EGFL6: variants seen among roughly 807,000 people sequenced by gnomAD.
EGFL6 encodes the protein epidermal growth factor-like protein 6.
Under a neutral mutation model 43.1 loss-of-function variants are expected in EGFL6, and 42 were observed. That is an observed-to-expected ratio of 0.98 (90% CI 0.76 to 1.26). The LOEUF (loss-of-function observed/expected upper bound fraction) is 1.26, where lower values mean the gene tolerates loss of function less well. Ranked by LOEUF, EGFL6 falls within the 50% of genes most tolerant of loss-of-function variation. The probability of loss-of-function intolerance (pLI) is 0.00; values close to 1 mark genes in which losing one functional copy is unlikely to be tolerated. For synonymous variants in EGFL6, 164 were observed against 163.2 expected, an observed-to-expected ratio of 1.01 and a Z score of -0.04; for missense variants, 429 against 427.8, an observed-to-expected ratio of 1.00 and a Z score of -0.02.
At chrX:13,585,268 A>C (rs1286861003) in intron 1 of EGFL6, among the ~76,000 whole-genome samples, 3 of 111,950 alleles carry the variant, frequency 2.7e-5, no homozygotes, top group Non-Finnish European at 5.6e-5. Context: ...GTCTGCACTC[A>C]TTCTATTCCC....
At chrX:13,625,699 A>C (rs1005795359) in intron 10 of EGFL6, among the ~76,000 whole-genome samples, 170 of 109,458 alleles carry the variant, frequency 1.6e-3, no homozygotes, top group African/African-American at 5.4e-3. Flanking sequence ...AAATAAATAA[A>C]TAAAAAATAA....
At chrX:13,623,205 A>G (rs1463529959) in intron 9 of EGFL6, among the ~76,000 whole-genome samples, 1 of 108,705 alleles carries the variant, frequency 9.2e-6, no homozygotes, top group East Asian at 2.9e-4. Context: ...AAAGAAAAAG[A>G]AAGTAGAAAG....
At chrX:13,617,031 G>A (rs1227397789) in intron 7 of EGFL6, among the ~76,000 whole-genome samples, 4 of 104,224 alleles carry the variant, frequency 3.8e-5, no homozygotes, top group Non-Finnish European at 7.7e-5. Context: ...CACCGCGCCC[G>A]GCTAATTTTT....
chrX:13,581,869 G>A (rs908580218), intron 1 of EGFL6, among the ~76,000 whole-genome samples: 1 of 111,145 alleles, frequency 9.0e-6, no homozygotes, highest in African/African-American at 3.3e-5. Flanking sequence ...ACTCCACAGA[G>A]ACTTGTTCAC....
chrX:13,584,311 T>G (rs1164200542), intron 1 of EGFL6, among the ~76,000 whole-genome samples: 2 of 111,638 alleles, frequency 1.8e-5, no homozygotes, highest in Non-Finnish European at 3.8e-5. Flanking sequence ...TTCCCAACAA[T>G]GTACTAACCT....
chrX:13,611,571 A>T (rs914963085), intron 7 of EGFL6, among the ~76,000 whole-genome samples: 2 of 112,199 alleles, frequency 1.8e-5, no homozygotes, highest in Non-Finnish European at 3.8e-5. Flanking sequence ...TTAATGTTCA[A>T]ATGAAGGCAA....
At chrX:13,598,956 A>T (rs187901723) in intron 3 of EGFL6, among the ~76,000 whole-genome samples, 1,166 of 103,656 alleles carry the variant, frequency 0.011, 10 homozygotes, top group African/African-American at 0.037. Context: ...ATATATATAT[A>T]TATTTTTTTA....
Position 13,633,183 on chromosome X carries a change from C to G in EGFL6, c.*88C>G, listed in dbSNP as rs958316467. On this transcript the variant is annotated 3_prime_UTR_variant, in exon 12 of 12. Coordinates refer to ENST00000361306, the MANE Select transcript of EGFL6 (RefSeq NM_015507.4). The stretch of plus-strand genomic sequence containing the variant: ...TAGGACCTCTGGCATTTTAGAATTA[C>G]TAGCTGAAAAATTGTAATGTACCAA... 6.6e-6 allele frequency: 5 copies of G among 758,782 alleles called. No homozygotes were observed. The African/African-American group carries it at 1.1e-4, about 17-fold the overall frequency. The allele number at this position is 758,782 out of a possible 1,213,427, so 62.5% of individuals were successfully genotyped here.
intron 2 of EGFL6, 144 bp downstream of exon 2, chrX:13,589,812 A>G (rs759312580): frequency 1.3e-4 from 52 of 412,274 alleles, no homozygotes; most frequent in Middle Eastern, 6.6e-4. Context: ...CTGGGTTCCT[A>G]TGAGATCTCT....
chrX:13,576,131 T>C (rs1323709347), intron 1 of EGFL6, among the ~76,000 whole-genome samples: 6 of 112,242 alleles, frequency 5.3e-5, no homozygotes, highest in African/African-American at 1.9e-4. Flanking sequence ...AGAGGTTTAA[T>C]TGGCTCACCG....
intron 5 of EGFL6, among the ~76,000 whole-genome samples, chrX:13,604,713 T>C (rs1256453393): frequency 8.9e-6 from 1 of 112,241 alleles, no homozygotes; most frequent in African/African-American, 3.2e-5. Context: ...TTGCACCTAA[T>C]ATACATAATA....
intron 6 of EGFL6, among the ~76,000 whole-genome samples, chrX:13,607,786 G>A (rs971530081): frequency 7.1e-5 from 8 of 112,238 alleles, no homozygotes; most frequent in Admixed American, 2.8e-4. Flanking sequence ...AAATGGGGTG[G>A]AGAATACGGC....
chrX:13,622,913 G>C (rs376148055), intron 9 of EGFL6, among the ~76,000 whole-genome samples: 109 of 111,896 alleles, frequency 9.7e-4, no homozygotes, highest in African/African-American at 3.4e-3. Context: ...GGCCAGGCAC[G>C]GTGGCTCACA....
At chrX:13,585,247 T>C (rs954065568) in intron 1 of EGFL6, among the ~76,000 whole-genome samples, 1 of 111,877 alleles carries the variant, frequency 8.9e-6, no homozygotes, top group Non-Finnish European at 1.9e-5. Context: ...CATGGTGTCT[T>C]TTACCTCTTA....
chrX:13,594,916 A>G lies in EGFL6; in HGVS notation c.268A>G (p.Thr90Ala). ...ATGCTTTCCAGGATACACCGGGAAA[A>G]CCTGCAGTCAAGGTCAGTAAGGTAG... Reference protein sequence around the residue: ...CRCFPGYTGKTCSQDVNECGM... With the variant: ...CRCFPGYTGKACSQDVNECGM... Residue 90 changes from threonine (T) to alanine (A), a missense_variant, in exon 3 of 12, where the codon ACC (threonine) becomes GCC (alanine). By Grantham distance (58) the Thr-to-Ala change is moderately conservative. Transcript: ENST00000361306. 2 of 1,207,381 alleles carry G rather than the reference A, an allele frequency of 1.7e-6. No homozygotes were observed. The highest frequency in any genetic ancestry group is 2.2e-6 in the Non-Finnish European group (2 of 892,075).
chrX:13,632,219 A>C (rs1433641706), intron 11 of EGFL6, among the ~76,000 whole-genome samples: 1 of 110,552 alleles, frequency 9.0e-6, no homozygotes, highest in Non-Finnish European at 1.9e-5. Context: ...CCGTCTCAAA[A>C]AAAAAAAGAA....
intron 2 of EGFL6, among the ~76,000 whole-genome samples, chrX:13,594,052 A>G (rs1450006758): frequency 2.7e-5 from 3 of 110,786 alleles, no homozygotes; most frequent in African/African-American, 9.9e-5. Flanking sequence ...TCTCTCTCAT[A>G]TATTATATCC....
intron 6 of EGFL6, 45 bp from the exon 7 acceptor site, chrX:13,608,279 C>T: frequency 8.3e-7 from 1 of 1,198,921 alleles, no homozygotes; most frequent in Non-Finnish European, 1.1e-6. Context: ...AGTCTTTCAG[C>T]AAGCTCTGTA....
chrX:13,621,278 C>G (rs1010406160), intron 9 of EGFL6, among the ~76,000 whole-genome samples: 2 of 112,073 alleles, frequency 1.8e-5, no homozygotes, highest in African/African-American at 6.5e-5. Flanking sequence ...AACTGGAGCT[C>G]AATCCCATTG....
Sources: allele counts gnomAD v4.1 joint callset (sites outside exome capture counted in the v4.1 genomes callset), GRCh38; gene constraint gnomAD v4.1.1; transcripts MANE v1.5; gene names NCBI Gene and HGNC (gene_info 2026-07-23, HGNC 2026-07-21).